MAML3: variants seen among roughly 807,000 people sequenced by gnomAD.
MAML3 encodes the protein mastermind-like protein 3.
Under a neutral mutation model 101.9 loss-of-function variants are expected in MAML3, and 27 were observed. That is an observed-to-expected ratio of 0.27 (90% confidence interval 0.20 to 0.37). MAML3 has a LOEUF of 0.37. Ranked by LOEUF, MAML3 falls within the 10% of genes least tolerant of loss-of-function variation. The pLI is 1.00. For synonymous variants in MAML3, 501 were observed against 555.9 expected (o/e 0.90, Z 1.39); for missense variants, 1,316 against 1,444.9 (o/e 0.91, Z 1.45).
At chr4:139,849,554 A>G (rs1731512287) in intron 2 of MAML3, among the ~76,000 whole-genome samples, 1 of 152,202 alleles carries the variant, frequency 6.6e-6, no homozygotes, top group Non-Finnish European at 1.5e-5. Flanking sequence ...GTTTGTTCAC[A>G]GGAAGGAGGA....
intron 1 of MAML3, among the ~76,000 whole-genome samples, chr4:139,907,946 C>T (rs549107250): frequency 6.6e-6 from 1 of 152,278 alleles, no homozygotes; most frequent in African/African-American, 2.4e-5. Flanking sequence ...AAGCCGTCTA[C>T]CTTTTCTGGG....
intron 1 of MAML3, among the ~76,000 whole-genome samples, chr4:139,933,573 G>T (rs1201658899): frequency 6.6e-6 from 1 of 152,096 alleles, no homozygotes; most frequent in East Asian, 1.9e-4. Context: ...CTTTTTCTGG[G>T]CTTCTCAAGG....
At chr4:139,955,936 A>G (rs181356887) in intron 1 of MAML3, among the ~76,000 whole-genome samples, 9 of 152,268 alleles carry the variant, frequency 5.9e-5, no homozygotes, top group Admixed American at 2.6e-4. Context: ...CTCTTCCCCT[A>G]CGAACGTGAA....
intron 1 of MAML3, among the ~76,000 whole-genome samples, chr4:140,007,536 A>G (rs972163370): frequency 6.6e-6 from 1 of 152,216 alleles, no homozygotes; most frequent in African/African-American, 2.4e-5. Context: ...AGAGATCTAG[A>G]AAGAAAGAGG....
Position 139,890,840 on chromosome 4 carries a change from C to T in MAML3, c.596G>A (p.Gly199Glu), listed in dbSNP as rs1190595646. Reference protein sequence around the residue: ...SKRIRKDISAGMEAINNLPSN... With the variant: ...SKRIRKDISAEMEAINNLPSN... Reference sequence around the variant, plus strand: ...GGGCAAATTGTTGATGGCTTCCATCCCCGCAGAAATGTCCTTTCGAATTCG... The same window carrying T: ...GGGCAAATTGTTGATGGCTTCCATCTCCGCAGAAATGTCCTTTCGAATTCG... The change falls in exon 2 of 5, where the codon GGG (glycine) becomes GAG (glutamate). Residue 199 changes from glycine to glutamate, a missense_variant. Coordinates refer to ENST00000509479, the MANE Select transcript of MAML3 (RefSeq NM_018717.5). This position sits in a 1 kb window ranked among gnomAD's most constrained non-coding sequence, Gnocchi z 4.1. 1.2e-6 allele frequency: 2 copies of T among 1,613,834 alleles called. No homozygotes were observed. The highest frequency in any genetic ancestry group is 2.2e-5 in the South Asian group (2 of 91,074).
At chr4:140,102,058 T>G (rs1035742090) in intron 1 of MAML3, among the ~76,000 whole-genome samples, 1 of 152,196 alleles carries the variant, frequency 6.6e-6, no homozygotes, top group Non-Finnish European at 1.5e-5. Flanking sequence ...AAACTTAACA[T>G]GTATAAATGA....
At chr4:139,994,482 T>C (rs903236925) in intron 1 of MAML3, among the ~76,000 whole-genome samples, 13 of 152,036 alleles carry the variant, frequency 8.6e-5, no homozygotes, top group Admixed American at 7.2e-4. Flanking sequence ...CTGGGCAACA[T>C]AGCAAGACTC....
chr4:139,795,381 T>C (rs1040936191), intron 2 of MAML3, among the ~76,000 whole-genome samples: 3 of 152,254 alleles, frequency 2.0e-5, no homozygotes, highest in African/African-American at 7.2e-5. Flanking sequence ...GAGTGGTTCA[T>C]GCTTTATGTG....
At chr4:139,979,737 G>A (rs1488223042) in intron 1 of MAML3, among the ~76,000 whole-genome samples, 1 of 152,176 alleles carries the variant, frequency 6.6e-6, no homozygotes, top group Non-Finnish European at 1.5e-5. Flanking sequence ...TGGCATCAAG[G>A]TACCATCTTG....
At chr4:139,774,613 A>G (rs1578594687) in intron 2 of MAML3, among the ~76,000 whole-genome samples, 1 of 152,332 alleles carries the variant, frequency 6.6e-6, no homozygotes, top group East Asian at 1.9e-4. Flanking sequence ...CTGTCGCTCC[A>G]TTAATGATCA....
chr4:140,093,938 C>T (rs940769888), intron 1 of MAML3, among the ~76,000 whole-genome samples: 1 of 152,144 alleles, frequency 6.6e-6, no homozygotes, highest in African/African-American at 2.4e-5. Context: ...CAGCATGATC[C>T]CCCTGACATT....
intron 1 of MAML3, among the ~76,000 whole-genome samples, chr4:139,995,752 T>C (rs999320460): frequency 3.3e-5 from 5 of 152,122 alleles, no homozygotes; most frequent in Non-Finnish European, 5.9e-5. Context: ...CTACAACTTT[T>C]GGTTTCACTG....
chr4:139,775,065 T>C (rs1730066856), intron 2 of MAML3, among the ~76,000 whole-genome samples: 1 of 152,144 alleles, frequency 6.6e-6, no homozygotes, highest in African/African-American at 2.4e-5. Flanking sequence ...AAAGTCACCA[T>C]GACTAGAATG....
At chr4:140,102,305 T>C (rs1389300282) in intron 1 of MAML3, among the ~76,000 whole-genome samples, 1 of 152,212 alleles carries the variant, frequency 6.6e-6, no homozygotes, top group Admixed American at 6.5e-5. Context: ...TTTTCTCCTA[T>C]ATTTGTATTT....
chr4:139,961,399 T>TAC (rs1227943350), intron 1 of MAML3, among the ~76,000 whole-genome samples: 2 of 152,230 alleles, frequency 1.3e-5, no homozygotes, highest in Non-Finnish European at 2.9e-5. Flanking sequence ...CTCAAGGGTA[T>TAC]ACACACTCAA....
At chr4:140,061,070 G>A (rs766366974) in intron 1 of MAML3, among the ~76,000 whole-genome samples, 4 of 152,206 alleles carry the variant, frequency 2.6e-5, no homozygotes, top group Non-Finnish European at 5.9e-5. Flanking sequence ...AGGCACGCAC[G>A]TTTGATGTGG....
chr4:139,985,816 A>C (rs189176313), intron 1 of MAML3, among the ~76,000 whole-genome samples: 23 of 152,362 alleles, frequency 1.5e-4, no homozygotes, highest in African/African-American at 5.5e-4. Context: ...GGGAGAGTTT[A>C]AGCAAACCAC....
chr4:140,024,929 A>G (rs1165546138), intron 1 of MAML3, among the ~76,000 whole-genome samples: 1 of 152,228 alleles, frequency 6.6e-6, no homozygotes, highest in Non-Finnish European at 1.5e-5. Flanking sequence ...AATATTCTGA[A>G]AAAAATCTCA....
chr4:139,985,514 TTTCC>T (rs1734520752), intron 1 of MAML3, among the ~76,000 whole-genome samples: 1 of 152,256 alleles, frequency 6.6e-6, no homozygotes, highest in Admixed American at 6.5e-5. Context: ...TGCAAATTTA[TTTCC>T]TTGAGCTAAA....
Sources: allele counts gnomAD v4.1 joint callset (sites outside exome capture counted in the v4.1 genomes callset), GRCh38; gene constraint gnomAD v4.1.1; non-coding constraint Gnocchi (gnomAD v3.1); transcripts MANE v1.5; gene names NCBI Gene and HGNC (gene_info 2026-07-23, HGNC 2026-07-21).